Variants in SMARCA1 observed in about 807,000 individuals in gnomAD.
The protein encoded by SMARCA1 is SWI/SNF-related matrix-associated actin-dependent regulator of chromatin subfamily A member 1.
SMARCA1 carries 17 observed loss-of-function variants against 93.6 expected under a neutral mutation model. The observed-to-expected ratio is 0.18, with a 90% CI of 0.12 to 0.27. The LOEUF (loss-of-function observed/expected upper bound fraction) is 0.27. Ranked by LOEUF, SMARCA1 falls within the 10% of genes least tolerant of loss-of-function variation. The pLI is 1.00. For synonymous variants in SMARCA1, 271 were observed against 271.4 expected (o/e 1.00, Z 0.01); for missense variants, 630 against 819.0 (o/e 0.77, Z 2.82).
At position 129,481,199 on chromosome X, in the gene SMARCA1, A is replaced by C; in HGVS notation, c.2218-14T>G. ...CACCATGCCAAGCTATACACAACAA[A>C]CAACAACAAGGGGTTTAATGACTCC... On this transcript the variant is annotated splice_polypyrimidine_tract_variant and intron_variant, in intron 17 of 24. Transcript: ENST00000371121. 2 of 1,071,538 alleles carry C rather than the reference A, an allele frequency of 1.9e-6. No homozygotes were observed. Among genetic ancestry groups the C allele is most frequent in the Non-Finnish European group, 2.6e-6 (2 of 772,090 alleles). The allele number at this position is 1,071,538 out of a possible 1,213,427, so 88.3% of individuals were successfully genotyped here.
At chrX:129,504,563 A>AAAAAAC (rs1569446067) in intron 9 of SMARCA1, among the ~76,000 whole-genome samples, 171 bp downstream of exon 9, 60 of 96,036 alleles carry the variant, frequency 6.2e-4, no homozygotes, top group African/African-American at 2.6e-3. Context: ...AAAAAAAAAA[A>AAAAAAC]AAAAAAAAAA....
chrX:129,468,621 C>A (rs1423085982), intron 21 of SMARCA1, 152 bp downstream of exon 21: 6 of 356,786 alleles, frequency 1.7e-5, no homozygotes, highest in African/African-American at 5.3e-5. Flanking sequence ...TTTCTTATAA[C>A]CTTTTCATAG....
At chrX:129,515,038 G>A (rs1935147322) in intron 5 of SMARCA1, among the ~76,000 whole-genome samples, 1 of 110,723 alleles carries the variant, frequency 9.0e-6, no homozygotes, top group African/African-American at 3.3e-5. Flanking sequence ...GACAGAGCGA[G>A]ACTCCATCTC....
At position 129,511,960 on chromosome X, in the gene SMARCA1, T is replaced by C. The variant is rs765928856; in HGVS notation, c.654A>G (p.Thr218=). 1.3e-4 allele frequency: 157 copies of C among 1,202,795 alleles called. No individual in the cohort carries two copies. In the Middle Eastern group the frequency reaches 1.6e-3, roughly 12 times the overall value. The stretch of plus-strand genomic sequence containing the variant: ...GTTTCAGGTAACCAAGCAAAGCAAT[T>C]GTTTGTAAAGTTTTCCCAAGGCCCT... ...DEMGLGKTLQ[T]IALLGYLKHY... is the part of the protein sequence containing the mutation. Residue 218 remains threonine (T), a synonymous_variant, in exon 6 of 25, where the codon ACA becomes ACG. Transcript: ENST00000371121.
Position 129,523,279 on chromosome X carries a change from G to A in SMARCA1, c.92C>T (p.Pro31Leu), listed in dbSNP as rs781413349. 7.5e-5 allele frequency: 91 copies of A among 1,207,582 alleles called. 1 individual carries two copies. The South Asian group carries it at 1.3e-3, about 17-fold the overall frequency. The change falls in exon 1 of 25, where the codon CCG becomes CTG. Residue 31 changes from proline (P) to leucine (L), a missense_variant. Pro to Leu is a moderately conservative substitution (Grantham distance 98). Transcript: ENST00000371121. The stretch of plus-strand genomic sequence containing the variant: ...CGCTCCCTCCTCCTGAGAGGTGGAC[G>A]GCCCGGGCTGCTCGTCCTCTATGAC... Reference protein sequence around the residue: ...IVVIEDEQPGPSTSQEEGAAA... With the variant: ...IVVIEDEQPGLSTSQEEGAAA...
chrX:129,506,940 C>G (rs1051006870), intron 7 of SMARCA1, among the ~76,000 whole-genome samples: 1 of 110,489 alleles, frequency 9.1e-6, no homozygotes, highest in Non-Finnish European at 1.9e-5. Context: ...AGAATTGAGC[C>G]GATTTTCCCA....
At chrX:129,448,592 T>C (rs757774336) in intron 23 of SMARCA1, 149 bp from the exon 24 acceptor site, 21 of 502,378 alleles carry the variant, frequency 4.2e-5, no homozygotes, top group South Asian at 2.0e-4. Flanking sequence ...ATTAATAGAT[T>C]CCACCAGAAT....
At chrX:129,485,925 C>G (rs966875596) in intron 17 of SMARCA1, among the ~76,000 whole-genome samples, 2 of 111,461 alleles carry the variant, frequency 1.8e-5, no homozygotes, top group East Asian at 2.8e-4. Context: ...GCTTCTCTTA[C>G]AGCCTGTAGA....
chrX:129,476,529 C>T (rs781659756), intron 19 of SMARCA1, among the ~76,000 whole-genome samples: 3 of 111,877 alleles, frequency 2.7e-5, no homozygotes, highest in Non-Finnish European at 5.6e-5. Context: ...CCTTTGGAGA[C>T]TCAACATAGA....
chrX:129,458,423 A>G (rs138744646), intron 23 of SMARCA1, among the ~76,000 whole-genome samples: 20 of 112,068 alleles, frequency 1.8e-4, no homozygotes, highest in Admixed American at 1.7e-3. Flanking sequence ...TTATGATTCT[A>G]TTCAATGCAA....
chrX:129,492,871 A>G (rs1934181185), intron 13 of SMARCA1, among the ~76,000 whole-genome samples, 169 bp downstream of exon 13: 1 of 111,381 alleles, frequency 9.0e-6, no homozygotes, highest in Admixed American at 9.6e-5. Flanking sequence ...GCAAACTAAA[A>G]CAACATAATA....
At chrX:129,448,587 T>C in intron 23 of SMARCA1, 144 bp from the exon 24 acceptor site, 2 of 520,465 alleles carry the variant, frequency 3.8e-6, no homozygotes, top group Non-Finnish European at 3.2e-6. Context: ...AGGGTATTAA[T>C]AGATTCCACC....
rs367836198 is a variant in SMARCA1 at position 129,487,033 on chromosome X, A to G, written c.2202T>C (p.Tyr734=). 3.2e-5 allele frequency: 38 copies of G among 1,175,526 alleles called. No individual in the cohort carries two copies. Among genetic ancestry groups the G allele is most frequent in the Non-Finnish European group, 4.0e-5 (35 of 871,668 alleles). The change falls in exon 17 of 25, where the codon TAT becomes TAC. Residue 734 remains tyrosine (Y), a synonymous_variant. Coordinates refer to ENST00000371121, the MANE Select transcript of SMARCA1 (RefSeq NM_001282874.2). ...AAAAAGTTACCTTCTGTTTTTCTCT[A>G]TAATCTTCTCCCTCAAATTTGTATA... is the stretch of plus-strand genomic sequence containing the variant. ...QSLYKFEGED[Y]REKQKLGMVE... is the part of the protein sequence containing the mutation.
At position 129,465,457 on chromosome X, in the gene SMARCA1, T is replaced by C. The variant is rs891389256; in HGVS notation, c.3030+63A>G. On this transcript the variant is annotated intron_variant, in intron 23 of 24. Transcript: ENST00000371121. The stretch of plus-strand genomic sequence containing the variant: ...AATTGGAGAATCTAGGTGAAGGATA[T>C]ATGGCATCTGAAATTTTTCAAAATA... The C allele has an allele frequency of 8.4e-6, 6 of 711,857 alleles. No individual in the cohort carries two copies. The African/African-American group carries it at 1.3e-4, about 15-fold the overall frequency. 58.7% of individuals were successfully genotyped at this position (711,857 alleles called of 1,213,427 possible). A position where few individuals can be genotyped will look rare whatever the true frequency, so the allele number is the denominator to read the frequency against.
At chrX:129,471,822 G>C (rs1412696641) in intron 19 of SMARCA1, among the ~76,000 whole-genome samples, 1 of 111,432 alleles carries the variant, frequency 9.0e-6, no homozygotes, top group Non-Finnish European at 1.9e-5. Flanking sequence ...GGAAAGTTTG[G>C]AAAAAGTTAA....
intron 14 of SMARCA1, among the ~76,000 whole-genome samples, chrX:129,491,095 C>G (rs142156052): frequency 2.4e-4 from 27 of 111,570 alleles, no homozygotes; most frequent in Non-Finnish European, 4.1e-4. Context: ...ATAATAATTA[C>G]GCCAAAGCAT....
At chrX:129,493,132 G>A in intron 12 of SMARCA1, 57 bp from the exon 13 acceptor site, 1 of 375,488 alleles carries the variant, frequency 2.7e-6, no homozygotes, top group East Asian at 4.2e-5. Context: ...TTTCACTATA[G>A]CATTATTTAT....
intron 5 of SMARCA1, among the ~76,000 whole-genome samples, chrX:129,513,021 G>A (rs1475828235): frequency 3.6e-5 from 4 of 111,938 alleles, no homozygotes; most frequent in African/African-American, 1.3e-4. Context: ...ATGTATGAAT[G>A]TAAATAAATC....
rs188997533 is a variant in SMARCA1 at position 129,457,935 on chromosome X, A to G, written c.3030+7585T>C. 2.7e-5 allele frequency among the ~76,000 whole-genome samples: 3 copies of G among 111,551 alleles called. No individual in the cohort carries two copies. In the East Asian group the frequency reaches 8.4e-4, roughly 31 times the overall value. ...CTCTCCCTTTATACACCCATCCTTC[A>G]CTTAACCCTTTTCTTAAAGAATTGC... On this transcript the variant is annotated intron_variant, in intron 23 of 24. Transcript: ENST00000371121.
Sources: gnomAD v4.1 joint callset for allele counts (sites outside exome capture counted in the v4.1 genomes callset) on GRCh38, gnomAD v4.1.1 for gene constraint, MANE v1.5 for transcripts, NCBI Gene and HGNC (gene_info 2026-07-23, HGNC 2026-07-21) for gene names.